Variants in MAD1L1 observed in about 807,000 individuals in gnomAD.
The protein encoded by MAD1L1 is mitotic spindle assembly checkpoint protein MAD1.
In MAD1L1, 95 loss-of-function variants were observed where a neutral mutation model predicts 96.9. That is an observed-to-expected ratio of 0.98 (90% confidence interval 0.83 to 1.16). The LOEUF is 1.16. Among genes scored for constraint, MAD1L1 ranks in the 50% most tolerant of loss-of-function variants. MAD1L1 has a pLI of 0.00. For synonymous variants in MAD1L1, 473 were observed against 396.6 expected (o/e 1.19, Z -2.29); for missense variants, 1,007 against 954.4 (o/e 1.06, Z -0.73).
chr7:1,849,385 G>A (rs1260516518), intron 18 of MAD1L1: 1 of 152,258 alleles, frequency 6.6e-6, no homozygotes, highest in Non-Finnish European at 1.5e-5. Flanking sequence ...TGCAGACACA[G>A]AGCCCCCAAG....
At chr7:2,199,101 G>T (rs980062511) in intron 10 of MAD1L1, among the ~76,000 whole-genome samples, 1 of 152,236 alleles carries the variant, frequency 6.6e-6, no homozygotes, top group Non-Finnish European at 1.5e-5. Context: ...TGAGAAAGAT[G>T]CGCAACTCCA....
intron 16 of MAD1L1, among the ~76,000 whole-genome samples, chr7:1,942,864 T>C (rs889360544): frequency 1.3e-5 from 2 of 152,076 alleles, no homozygotes; most frequent in Non-Finnish European, 2.9e-5. Flanking sequence ...GAAGACTCAG[T>C]CTCCTGATTT....
intron 18 of MAD1L1, among the ~76,000 whole-genome samples, chr7:1,857,865 G>A (rs115148405): frequency 0.014 from 2,113 of 152,284 alleles, 48 homozygotes; most frequent in African/African-American, 0.048. Context: ...GTGGTGCCTG[G>A]GGACCTCCAG....
chr7:1,842,630 C>G (rs1412134152), intron 18 of MAD1L1, among the ~76,000 whole-genome samples: 1 of 152,270 alleles, frequency 6.6e-6, no homozygotes, highest in Non-Finnish European at 1.5e-5. Context: ...TTCAGGTCCC[C>G]GAGGGAGGCC....
intron 10 of MAD1L1, among the ~76,000 whole-genome samples, chr7:2,210,462 G>A (rs866150700): frequency 1.0e-3 from 123 of 123,086 alleles, no homozygotes; most frequent in African/African-American, 3.5e-3. Context: ...TCTAGGAGCC[G>A]TATTCGGGAC....
chr7:2,232,051 T>C (rs776826660), intron 1 of MAD1L1, among the ~76,000 whole-genome samples: 3 of 152,184 alleles, frequency 2.0e-5, no homozygotes, highest in Non-Finnish European at 2.9e-5. Flanking sequence ...AGATTGGAAC[T>C]TGGGTCTGTC....
At chr7:2,168,200 G>A (rs1790532135) in intron 10 of MAD1L1, among the ~76,000 whole-genome samples, 1 of 152,082 alleles carries the variant, frequency 6.6e-6, no homozygotes. Flanking sequence ...CAGGAGAATG[G>A]CTTGAACCCA....
intron 11 of MAD1L1, among the ~76,000 whole-genome samples, chr7:2,071,196 T>G (rs1281620970): frequency 1.3e-5 from 2 of 148,298 alleles, no homozygotes; most frequent in Non-Finnish European, 1.5e-5. Context: ...GAATACGGGG[T>G]TTTTAACTGT....
intron 15 of MAD1L1, among the ~76,000 whole-genome samples, chr7:1,967,376 TA>T (rs1780210993): frequency 6.6e-6 from 1 of 151,964 alleles, no homozygotes; most frequent in Non-Finnish European, 1.5e-5. Flanking sequence ...AAACAAATAA[TA>T]AAATGGTAGC....
intron 18 of MAD1L1, among the ~76,000 whole-genome samples, chr7:1,824,633 C>A (rs1039124939): frequency 8.5e-5 from 13 of 152,304 alleles, no homozygotes; most frequent in East Asian, 3.9e-4. Flanking sequence ...GAGGCTCCCC[C>A]ACCAGGACCC....
intron 15 of MAD1L1, among the ~76,000 whole-genome samples, chr7:1,963,860 C>G (rs1780049901): frequency 6.6e-6 from 1 of 152,268 alleles, no homozygotes; most frequent in African/African-American, 2.4e-5. Context: ...CATCTGAGCA[C>G]AGCCCAGTGT....
At chr7:2,077,097 C>T (rs1474340064) in intron 11 of MAD1L1, among the ~76,000 whole-genome samples, 7 of 138,472 alleles carry the variant, frequency 5.1e-5, no homozygotes, top group Non-Finnish European at 6.1e-5. Context: ...TTGGTGAGCC[C>T]GCGGCATGGT....
chr7:2,073,674 A>G (rs1584256603), intron 11 of MAD1L1, among the ~76,000 whole-genome samples: 1 of 152,352 alleles, frequency 6.6e-6, no homozygotes, highest in East Asian at 1.9e-4. Flanking sequence ...TGCAGGATGT[A>G]GCGTGAAGCG....
At chr7:2,079,461 G>C (rs904273199) in intron 11 of MAD1L1, among the ~76,000 whole-genome samples, 6 of 152,234 alleles carry the variant, frequency 3.9e-5, no homozygotes, top group Non-Finnish European at 8.8e-5. Context: ...AGCAGGCTCT[G>C]AAGCTGCAGC....
chr7:1,922,698 C>T (rs1788867121), intron 17 of MAD1L1, among the ~76,000 whole-genome samples: 1 of 152,242 alleles, frequency 6.6e-6, no homozygotes, highest in South Asian at 2.1e-4. Flanking sequence ...GGGAAGGCCT[C>T]TGCCTGAGTC....
At chr7:1,893,481 G>A (rs1786676230) in intron 18 of MAD1L1, among the ~76,000 whole-genome samples, 1 of 152,246 alleles carries the variant, frequency 6.6e-6, no homozygotes, top group African/African-American at 2.4e-5. Flanking sequence ...GGAGGCTGGG[G>A]TTTGGCGAGA....
intron 16 of MAD1L1, among the ~76,000 whole-genome samples, chr7:1,949,344 G>A (rs940480641): frequency 6.6e-6 from 1 of 152,216 alleles, no homozygotes; most frequent in Admixed American, 6.5e-5. Context: ...CGCCCGGGGG[G>A]ACCCGCGCAG....
chr7:2,210,383 G>A (rs376056429), intron 10 of MAD1L1, among the ~76,000 whole-genome samples: 41 of 152,240 alleles, frequency 2.7e-4, no homozygotes, highest in South Asian at 1.0e-3. Flanking sequence ...AAATGCACAC[G>A]TTTACCAAAC....
chr7:1,914,779 A>AATTATT (rs112216025), intron 17 of MAD1L1, among the ~76,000 whole-genome samples: 147,147 of 151,576 alleles, frequency 0.97, 71,542 homozygotes, highest in Middle Eastern at 1. Context: ...ACACCCGGCT[A>AATTATT]ATTATTATTA....
Sources: allele counts gnomAD v4.1 joint callset (sites outside exome capture counted in the v4.1 genomes callset), GRCh38; gene constraint gnomAD v4.1.1; transcripts MANE v1.5; gene names NCBI Gene and HGNC (gene_info 2026-07-23, HGNC 2026-07-21).